The following TSPAN9 variants were observed in gnomAD, a reference collection of about 807,000 sequenced individuals.
TSPAN9 encodes the protein tetraspanin 9.
TSPAN9 carries 16 observed loss-of-function variants against 31.0 expected under a neutral mutation model. The observed-to-expected ratio is 0.52, with a 90% CI of 0.35 to 0.78. TSPAN9 has a LOEUF of 0.78. TSPAN9 is among the 30% of genes least tolerant of loss of function. TSPAN9 has a pLI of 0.01. For missense variants in TSPAN9, 272 were observed against 312.5 expected, an observed-to-expected ratio of 0.87 and a Z score of 0.98; for synonymous variants, 145 against 121.6, an observed-to-expected ratio of 1.19 and a Z score of -1.27.
chr12:3,096,200 TA>T (rs2098308748), intron 2 of TSPAN9, among the ~76,000 whole-genome samples: 2 of 152,192 alleles, frequency 1.3e-5, no homozygotes, highest in South Asian at 4.1e-4. Flanking sequence ...AGTCAGGAAC[TA>T]AAACATAGAT....
intron 8 of TSPAN9, chr12:3,282,069 A>G (rs1862905347): frequency 1.5e-6 from 1 of 673,250 alleles, no homozygotes; most frequent in Admixed American, 2.1e-5. Context: ...TTGAAGCTGG[A>G]GTCAACCCCC....
intron 2 of TSPAN9, among the ~76,000 whole-genome samples, chr12:3,193,142 A>T (rs2098365311): frequency 6.6e-6 from 1 of 152,102 alleles, no homozygotes; most frequent in Admixed American, 6.5e-5. Context: ...ACACAGATTC[A>T]TCTAGTCCCA....
chr12:3,203,100 A>C (rs1204711171), intron 3 of TSPAN9, among the ~76,000 whole-genome samples: 2 of 152,178 alleles, frequency 1.3e-5, no homozygotes, highest in Non-Finnish European at 2.9e-5. Flanking sequence ...TATTAGGAAG[A>C]CAGACCCTGG....
intron 3 of TSPAN9, among the ~76,000 whole-genome samples, chr12:3,242,856 T>G (rs1220251267): frequency 6.6e-6 from 1 of 152,252 alleles, no homozygotes; most frequent in African/African-American, 2.4e-5. Context: ...TTGTGCTGAC[T>G]GCCAGGCATC....
chr12:3,243,778 T>G (rs981744050), intron 3 of TSPAN9, among the ~76,000 whole-genome samples: 2 of 152,164 alleles, frequency 1.3e-5, no homozygotes, highest in Non-Finnish European at 1.5e-5. Flanking sequence ...TCCTCTGATA[T>G]GGGGTGTCAG....
intron 3 of TSPAN9, among the ~76,000 whole-genome samples, chr12:3,264,976 G>C (rs1862515005): frequency 6.6e-6 from 1 of 152,138 alleles, no homozygotes; most frequent in African/African-American, 2.4e-5. Context: ...TCCAGCTCTG[G>C]CCATTGTCCT....
intron 3 of TSPAN9, among the ~76,000 whole-genome samples, chr12:3,202,864 G>A (rs2098372743): frequency 6.6e-6 from 1 of 152,106 alleles, no homozygotes; most frequent in African/African-American, 2.4e-5. Flanking sequence ...TCTTTTTCTG[G>A]TGGCAAGCAC....
intron 3 of TSPAN9, among the ~76,000 whole-genome samples, chr12:3,258,582 C>G (rs540987369): frequency 1.3e-5 from 2 of 150,858 alleles, no homozygotes; most frequent in Non-Finnish European, 2.9e-5. Flanking sequence ...CAATGTCAGG[C>G]AATCTTGTGG....
intron 2 of TSPAN9, among the ~76,000 whole-genome samples, chr12:3,136,299 G>A (rs996636073): frequency 2.0e-5 from 3 of 152,230 alleles, no homozygotes; most frequent in Non-Finnish European, 4.4e-5. Context: ...ATGCAGGCAG[G>A]CTGGCTCCAG....
At chr12:3,115,742 C>G (rs779586696) in intron 2 of TSPAN9, among the ~76,000 whole-genome samples, 23 of 152,210 alleles carry the variant, frequency 1.5e-4, no homozygotes, top group Non-Finnish European at 2.9e-4. Context: ...AAGGCCCCAC[C>G]TGCTAATACC....
intron 3 of TSPAN9, among the ~76,000 whole-genome samples, chr12:3,246,937 G>A (rs576394505): frequency 6.6e-6 from 1 of 152,194 alleles, no homozygotes; most frequent in Non-Finnish European, 1.5e-5. Context: ...GTGAAGTGGG[G>A]CAGGTTCCAG....
At chr12:3,144,583 C>G (rs542655585) in intron 2 of TSPAN9, among the ~76,000 whole-genome samples, 3 of 152,344 alleles carry the variant, frequency 2.0e-5, no homozygotes, top group African/African-American at 4.8e-5. Flanking sequence ...CCATTCTGCA[C>G]TTCCAGCCCC....
intron 2 of TSPAN9, among the ~76,000 whole-genome samples, chr12:3,123,802 C>T (rs563255898): frequency 1.3e-5 from 2 of 152,214 alleles, no homozygotes; most frequent in East Asian, 3.9e-4. Context: ...GGAGCTTGCC[C>T]AAGGTCTCAG....
At chr12:3,096,751 G>A (rs1251903256) in intron 2 of TSPAN9, among the ~76,000 whole-genome samples, 3 of 151,506 alleles carry the variant, frequency 2.0e-5, no homozygotes, top group Non-Finnish European at 4.4e-5. Flanking sequence ...GGAGTGCAAT[G>A]GCATGATCTC....
chr12:3,096,818 G>A (rs1591626233), intron 2 of TSPAN9, among the ~76,000 whole-genome samples: 1 of 151,746 alleles, frequency 6.6e-6, no homozygotes, highest in Non-Finnish European at 1.5e-5. Context: ...TCAGCCTCCC[G>A]AGTAGCTGGG....
rs1250733471 is a variant in TSPAN9 at position 3,280,781 on chromosome 12, C to T, written c.432+298C>T. Among the ~76,000 whole-genome samples the T allele has an allele frequency of 6.6e-6, 1 of 152,212 alleles. No homozygotes were observed. Among genetic ancestry groups the T allele is most frequent in the Admixed American group, 6.5e-5 (1 of 15,290 alleles). Reference sequence around the variant, plus strand: ...GATTTGCCTCCATGATGGGGCTTGGCTTAGGTGAGGAGGCCCTGGCTCTAG... The same window carrying T: ...GATTTGCCTCCATGATGGGGCTTGGTTTAGGTGAGGAGGCCCTGGCTCTAG... On this transcript the variant is annotated intron_variant, in intron 6 of 8. Coordinates refer to ENST00000011898, the MANE Select transcript of TSPAN9 (RefSeq NM_006675.5). This position sits in a 1 kb window ranked among gnomAD's most constrained non-coding sequence, Gnocchi z 4.5.
At chr12:3,148,913 C>T (rs1201766014) in intron 2 of TSPAN9, among the ~76,000 whole-genome samples, 3 of 152,146 alleles carry the variant, frequency 2.0e-5, no homozygotes, top group Admixed American at 6.5e-5. Flanking sequence ...GCCTCTCGGG[C>T]GTGCCTGGCC....
rs149952209 is a variant in TSPAN9, at chr12:3,249,239, C to G, written c.64-29182C>G. On this transcript the variant is annotated intron_variant, in intron 3 of 8. Coordinates refer to ENST00000011898, the MANE Select transcript of TSPAN9 (RefSeq NM_006675.5). ...TCCAGCTGCGAGTCTTTCTCAATGA[C>G]TCCAGGCACCCCGCGGGTGGTCAGA... is the stretch of plus-strand genomic sequence containing the variant. Among the ~76,000 whole-genome samples the G allele has an allele frequency of 4.5e-3, 683 of 152,310 alleles. 2 individuals carry two copies. Among genetic ancestry groups the G allele is most frequent in the Non-Finnish European group, 8.0e-3 (544 of 68,020 alleles).
At chr12:3,240,604 A>C (rs1326719813) in intron 3 of TSPAN9, among the ~76,000 whole-genome samples, 1 of 152,166 alleles carries the variant, frequency 6.6e-6, no homozygotes, top group Non-Finnish European at 1.5e-5. Flanking sequence ...CTGTCGCTAT[A>C]CTACCTCTGG....
Sources: gnomAD v4.1 joint callset for allele counts (sites outside exome capture counted in the v4.1 genomes callset) on GRCh38, gnomAD v4.1.1 for gene constraint, Gnocchi (gnomAD v3.1) non-coding constraint, MANE v1.5 for transcripts, NCBI Gene and HGNC (gene_info 2026-07-23, HGNC 2026-07-21) for gene names.